Variants in DMD observed in about 807,000 individuals in gnomAD.
DMD encodes the protein dystrophin.
Under a neutral mutation model 330.1 loss-of-function variants are expected in DMD, and 63 were observed. The ratio of observed to expected loss-of-function variants is 0.19; its 90% confidence interval spans 0.16 to 0.24. The LOEUF is 0.24. DMD is among the 10% of genes least tolerant of loss of function. DMD has a pLI of 1.00. For missense variants in DMD, 3,344 were observed against 2,684.1 expected (o/e 1.25, Z -5.43); for synonymous variants, 1,223 against 959.8 (o/e 1.27, Z -5.07).
intron 44 of DMD, among the ~76,000 whole-genome samples, chrX:32,135,586 G>T (rs1195752806): frequency 9.0e-6 from 1 of 111,589 alleles, no homozygotes; most frequent in African/African-American, 3.3e-5. Context: ...AGCTGGGCAT[G>T]GTGGCGTGCG....
chrX:31,550,548 T>C (rs1459232694), intron 55 of DMD, among the ~76,000 whole-genome samples: 3 of 112,330 alleles, frequency 2.7e-5, no homozygotes, highest in African/African-American at 9.7e-5. Context: ...TATTAAAGCA[T>C]TGGGTCAGGT....
chrX:32,447,573 T>C (rs903686906), intron 27 of DMD, among the ~76,000 whole-genome samples: 8 of 111,651 alleles, frequency 7.2e-5, no homozygotes, highest in African/African-American at 1.9e-4. Context: ...TATCTTTCTT[T>C]AAATATCAAA....
At chrX:31,833,318 GA>G (rs2093107018) in intron 49 of DMD, among the ~76,000 whole-genome samples, 3 of 76,826 alleles carry the variant, frequency 3.9e-5, no homozygotes, top group East Asian at 4.5e-4. Flanking sequence ...GGGAGAGAGG[GA>G]GAGAGGGAGA....
chrX:31,326,340 T>C (rs2148323033), intron 61 of DMD, among the ~76,000 whole-genome samples: 1 of 111,646 alleles, frequency 9.0e-6, no homozygotes, highest in Non-Finnish European at 1.9e-5. Context: ...AAAAATATTA[T>C]AAATTCTAGA....
intron 1 of DMD, among the ~76,000 whole-genome samples, chrX:33,207,377 CTTTCATGAAAAAA>C (rs1374976118): frequency 1.8e-5 from 2 of 110,823 alleles, no homozygotes; most frequent in African/African-American, 6.6e-5. Flanking sequence ...ACTATCAAGC[CTTTCATGAAAAAA>C]TTTCATGAAA....
At chrX:31,390,233 T>C (rs2060629852) in intron 60 of DMD, among the ~76,000 whole-genome samples, 1 of 109,566 alleles carries the variant, frequency 9.1e-6, no homozygotes, top group Non-Finnish European at 1.9e-5. Flanking sequence ...TTTTGATTTT[T>C]GACTGACTTC....
At chrX:32,553,091 C>G (rs1387876811) in intron 16 of DMD, among the ~76,000 whole-genome samples, 2 of 111,878 alleles carry the variant, frequency 1.8e-5, no homozygotes, top group Non-Finnish European at 3.8e-5. Flanking sequence ...ATATAAATCC[C>G]TCAACCCTAA....
At chrX:32,200,856 G>T (rs2097032393) in intron 44 of DMD, among the ~76,000 whole-genome samples, 1 of 111,481 alleles carries the variant, frequency 9.0e-6, no homozygotes, top group South Asian at 3.7e-4. Flanking sequence ...CACTGAATTG[G>T]ACTTTGCAGC....
At chrX:32,560,193 A>T (rs1323648991) in intron 16 of DMD, among the ~76,000 whole-genome samples, 14 of 109,186 alleles carry the variant, frequency 1.3e-4, no homozygotes, top group African/African-American at 4.7e-4. Context: ...CTTGAAAAAA[A>T]AAATATATAT....
chrX:32,996,384 A>G (rs1271208990), intron 2 of DMD, among the ~76,000 whole-genome samples: 2 of 112,048 alleles, frequency 1.8e-5, no homozygotes. Context: ...GTAATATTTT[A>G]AGAAAGTTTT....
intron 62 of DMD, among the ~76,000 whole-genome samples, chrX:31,279,226 A>C (rs758751929): frequency 8.9e-6 from 1 of 112,764 alleles, no homozygotes; most frequent in African/African-American, 3.2e-5. Context: ...TTGGCTGTGA[A>C]GCCACAAACA....
chrX:32,955,143 T>C (rs1026892641), intron 2 of DMD, among the ~76,000 whole-genome samples: 1 of 112,154 alleles, frequency 8.9e-6, no homozygotes, highest in African/African-American at 3.2e-5. Context: ...GTTGAACTAA[T>C]GTACAGTCCC....
chrX:31,570,897 G>A (rs1001649575), intron 55 of DMD, among the ~76,000 whole-genome samples: 4 of 111,771 alleles, frequency 3.6e-5, no homozygotes, highest in African/African-American at 1.3e-4. Flanking sequence ...AGAAAGATGT[G>A]ACAATGGTTA....
chrX:32,351,026 A>T (rs1165868428), intron 37 of DMD, among the ~76,000 whole-genome samples: 1 of 111,175 alleles, frequency 9.0e-6, no homozygotes, highest in African/African-American at 3.3e-5. Context: ...ATTGAACCTC[A>T]GTTTCTTTAT....
chrX:32,370,219 G>GTTTTTT (rs138937492), intron 34 of DMD, among the ~76,000 whole-genome samples: 1 of 95,442 alleles, frequency 1.0e-5, no homozygotes. Flanking sequence ...AAGTGGTAGT[G>GTTTTTT]TTTTTTTTTT....
At chrX:31,751,179 G>A (rs1414368293) in intron 51 of DMD, among the ~76,000 whole-genome samples, 4 of 109,280 alleles carry the variant, frequency 3.7e-5, no homozygotes, top group Non-Finnish European at 7.6e-5. Context: ...AAAAGAGCCC[G>A]CATCGCCAAG....
At chrX:32,851,698 A>G (rs1245161989) in intron 2 of DMD, among the ~76,000 whole-genome samples, 1 of 112,200 alleles carries the variant, frequency 8.9e-6, no homozygotes, top group Admixed American at 9.4e-5. Context: ...CCCCTCCCCC[A>G]TCCCCTGGCA....
intron 9 of DMD, among the ~76,000 whole-genome samples, chrX:32,676,434 C>T (rs1420490721): frequency 9.0e-6 from 1 of 111,208 alleles, no homozygotes; most frequent in Non-Finnish European, 1.9e-5. Flanking sequence ...AGTATTTTGC[C>T]TGGCTTTCCA....
intron 2 of DMD, among the ~76,000 whole-genome samples, chrX:32,879,028 A>AC (rs1569538219): frequency 1.4e-4 from 15 of 105,056 alleles, no homozygotes; most frequent in African/African-American, 4.6e-4. Context: ...CAAAAAACAA[A>AC]AAACAAACAA....
Sources: allele counts gnomAD v4.1 joint callset (sites outside exome capture counted in the v4.1 genomes callset), GRCh38; gene constraint gnomAD v4.1.1; transcripts MANE v1.5; gene names NCBI Gene and HGNC (gene_info 2026-07-23, HGNC 2026-07-21).